Variants in PTBP2 observed in about 807,000 individuals in gnomAD.
The protein encoded by PTBP2 is polypyrimidine tract-binding protein 2.
A neutral mutation model predicts 61.4 loss-of-function variants in PTBP2; 13 were observed. The observed-to-expected ratio is 0.21, with a 90% confidence interval of 0.14 to 0.34. PTBP2 has a LOEUF of 0.34. PTBP2 is among the 10% of genes least tolerant of loss of function. The pLI is 1.00. For synonymous variants in PTBP2, 215 were observed against 218.5 expected (o/e 0.98, Z 0.14); for missense variants, 405 against 642.6 (o/e 0.63, Z 4.00).
chr1:96,722,734 C>G (rs1649787460), intron 1 of PTBP2, among the ~76,000 whole-genome samples: 1 of 152,182 alleles, frequency 6.6e-6, no homozygotes, highest in African/African-American at 2.4e-5. Flanking sequence ...GGAAAAACGA[C>G]TATAAAAACC....
chr1:96,730,641 T>C (rs1651271765), intron 2 of PTBP2, among the ~76,000 whole-genome samples: 1 of 152,224 alleles, frequency 6.6e-6, no homozygotes, highest in Non-Finnish European at 1.5e-5. Flanking sequence ...CACTGAATAC[T>C]CTGATGATTC....
intron 2 of PTBP2, among the ~76,000 whole-genome samples, chr1:96,727,261 A>G (rs1650702400): frequency 6.6e-6 from 1 of 152,190 alleles, no homozygotes; most frequent in South Asian, 2.1e-4. Flanking sequence ...GTAATAGTAC[A>G]CTTTATGGCT....
At chr1:96,733,391 A>G (rs1651715588) in intron 2 of PTBP2, among the ~76,000 whole-genome samples, 2 of 152,192 alleles carry the variant, frequency 1.3e-5, no homozygotes, top group South Asian at 2.1e-4. Flanking sequence ...TTCTCAAGAA[A>G]GGGCTTTGCT....
At chr1:96,762,411 C>T (rs1263551671) in intron 3 of PTBP2, among the ~76,000 whole-genome samples, 6 of 148,640 alleles carry the variant, frequency 4.0e-5, no homozygotes, top group Admixed American at 2.0e-4. Flanking sequence ...CCCCCCACCT[C>T]CCTCCCGGAT....
At chr1:96,793,614 G>A (rs1018011621) in intron 8 of PTBP2, among the ~76,000 whole-genome samples, 13 of 152,068 alleles carry the variant, frequency 8.5e-5, no homozygotes, top group South Asian at 8.3e-4. Flanking sequence ...CTCGTGATCC[G>A]CCCACCTTGG....
At chr1:96,808,154 A>G (rs1661679887) in intron 11 of PTBP2, among the ~76,000 whole-genome samples, 1 of 152,032 alleles carries the variant, frequency 6.6e-6, no homozygotes, top group African/African-American at 2.4e-5. Context: ...GATCTTCCAG[A>G]TAGTTTTTGT....
At chr1:96,724,636 G>GTTTT (rs1488341761) in intron 2 of PTBP2, among the ~76,000 whole-genome samples, 1 of 138,024 alleles carries the variant, frequency 7.2e-6, no homozygotes, top group East Asian at 2.2e-4. Flanking sequence ...GATGCTGACT[G>GTTTT]TTCAAACATT....
Position 96,802,440 on chromosome 1 carries a change from T to G in PTBP2, c.905-2360T>G, listed in dbSNP as rs1048898439. ...GATGTACAGAGAAAATGCTAGTGAT[T>G]AGAGTTTTTAGATTATTTTAATTTT... On this transcript the variant is annotated intron_variant, in intron 8 of 13. Transcript: ENST00000674951. Among the ~76,000 whole-genome samples the G allele has an allele frequency of 2.0e-5, 3 of 152,082 alleles. No homozygotes were observed. The South Asian group carries it at 6.2e-4, about 31-fold the overall frequency.
At chr1:96,787,042 A>G (rs188950939) in intron 8 of PTBP2, among the ~76,000 whole-genome samples, 123 of 152,138 alleles carry the variant, frequency 8.1e-4, no homozygotes, top group Middle Eastern at 3.4e-3. Context: ...TCTCTTTGAG[A>G]TGGAATCTCA....
intron 1 of PTBP2, 80 bp from the exon 2 acceptor site, chr1:96,723,484 A>G: frequency 1.7e-6 from 2 of 1,196,218 alleles, no homozygotes; most frequent in African/African-American, 1.5e-5. Context: ...ATGATGGACT[A>G]TCCTAAAAAG....
intron 5 of PTBP2, among the ~76,000 whole-genome samples, chr1:96,773,958 G>T (rs1657701952): frequency 8.5e-6 from 1 of 118,226 alleles, no homozygotes. Context: ...GCGAGACTCT[G>T]TCTCAAAAAA....
chr1:96,759,090 G>T (rs1655492749), intron 3 of PTBP2, among the ~76,000 whole-genome samples: 2 of 151,416 alleles, frequency 1.3e-5, no homozygotes, highest in Admixed American at 1.3e-4. Context: ...CAAAAGATAT[G>T]TAAGACATCT....
chr1:96,771,942 A>G (rs1557735665), intron 5 of PTBP2, among the ~76,000 whole-genome samples: 2 of 152,160 alleles, frequency 1.3e-5, no homozygotes, highest in Admixed American at 1.3e-4. Flanking sequence ...CTCTGCTCAC[A>G]CCACAACAAT....
chr1:96,812,027 C>T (rs1186898028), intron 11 of PTBP2, among the ~76,000 whole-genome samples: 2 of 152,034 alleles, frequency 1.3e-5, no homozygotes. Flanking sequence ...TGAGCATTTC[C>T]CTTGAGCATC....
intron 2 of PTBP2, among the ~76,000 whole-genome samples, chr1:96,741,679 A>G (rs1456236864): frequency 6.6e-6 from 1 of 152,186 alleles, no homozygotes; most frequent in African/African-American, 2.4e-5. Context: ...TTAAAAAAAC[A>G]TTTAACCTAA....
At chr1:96,759,276 A>G (rs1403873558) in intron 3 of PTBP2, among the ~76,000 whole-genome samples, 2 of 152,206 alleles carry the variant, frequency 1.3e-5, no homozygotes, top group African/African-American at 4.8e-5. Flanking sequence ...TTATGTGGAA[A>G]TAAAAAGGAG....
At chr1:96,784,949 G>A in intron 7 of PTBP2, 110 bp from the exon 8 acceptor site, 1 of 857,442 alleles carries the variant, frequency 1.2e-6, no homozygotes, top group East Asian at 3.0e-5. Context: ...CCTTTTCCTG[G>A]TAGCTTTTAA....
At chr1:96,802,704 TTTTG>T (rs994475325) in intron 8 of PTBP2, among the ~76,000 whole-genome samples, 27 of 152,302 alleles carry the variant, frequency 1.8e-4, no homozygotes, top group African/African-American at 6.5e-4. Context: ...GTTGGTGGTT[TTTTG>T]TTTGTTTGCC....
chr1:96,731,632 C>A (rs571032765), intron 2 of PTBP2, among the ~76,000 whole-genome samples: 2 of 151,984 alleles, frequency 1.3e-5, no homozygotes, highest in Non-Finnish European at 2.9e-5. Flanking sequence ...TTTAGAATAT[C>A]CAAGTTTTTA....
Sources: gnomAD v4.1 joint callset for allele counts (sites outside exome capture counted in the v4.1 genomes callset) on GRCh38, gnomAD v4.1.1 for gene constraint, MANE v1.5 for transcripts, NCBI Gene and HGNC (gene_info 2026-07-23, HGNC 2026-07-21) for gene names.